MANEAL: variants seen among roughly 807,000 people sequenced by gnomAD.
MANEAL encodes the protein mannosidase endo-alpha like.
MANEAL carries 28 observed loss-of-function variants against 35.9 expected under a neutral mutation model. That is an observed-to-expected ratio of 0.78 (90% confidence interval 0.58 to 1.07). The LOEUF is 1.07. MANEAL is among the 50% of genes least tolerant of loss of function. MANEAL has a pLI of 0.00. For synonymous variants in MANEAL, 286 were observed against 272.2 expected (o/e 1.05, Z -0.50); for missense variants, 576 against 629.6 (o/e 0.91, Z 0.91).
chr1:37,798,999 A>G, intron 3 of MANEAL, among the ~76,000 whole-genome samples: 1 of 152,104 alleles, frequency 6.6e-6, no homozygotes, highest in South Asian at 2.1e-4. Context: ...GAGATCGCCC[A>G]CCGCACTCCA....
rs1248669760 is a variant in MANEAL at position 37,794,761 on chromosome 1, G to GC, written c.550+35dup. ...AGCGCCCCCCACCCCGGGCGGCCCT[G>GC]CCCCCCAGCCTCACCCTTCCTCCTT... On this transcript the variant is annotated intron_variant, in intron 1 of 3. Transcript: ENST00000373045. This position sits in a 1 kb window ranked among gnomAD's most constrained non-coding sequence, Gnocchi z 5.7. 9 of 1,436,302 alleles carry GC rather than the reference G, an allele frequency of 6.3e-6. No homozygotes were observed. The highest frequency in any genetic ancestry group is 1.3e-5 in the South Asian group (1 of 78,922). The allele number at this position is 1,436,302 out of a possible 1,614,324, so 89.0% of individuals were successfully genotyped here.
intron 2 of MANEAL, 48 bp downstream of exon 2, chr1:37,795,894 G>C (rs774236029): frequency 6.5e-7 from 1 of 1,539,808 alleles, no homozygotes; most frequent in Non-Finnish European, 9.0e-7. Flanking sequence ...ATTCTGGAGA[G>C]TTGCTCTCCT....
At chr1:37,795,221 G>A (rs1646635135) in intron 1 of MANEAL, among the ~76,000 whole-genome samples, 1 of 152,188 alleles carries the variant, frequency 6.6e-6, no homozygotes, top group Admixed American at 6.5e-5. Flanking sequence ...TGGAGGTAGT[G>A]TTGGGGGTTT....
Position 37,794,634 on chromosome 1 carries a change from A to T in MANEAL, c.452A>T (p.Asp151Val), listed in dbSNP as rs1215818442. The T allele has an allele frequency of 1.2e-6, 2 of 1,610,374 alleles. No individual in the cohort carries two copies. Among genetic ancestry groups the T allele is most frequent in the Admixed American group, 1.7e-5 (1 of 59,880 alleles). The change falls in exon 1 of 4, where the codon GAC becomes GTC. Residue 151 changes from aspartate (D) to valine (V), a missense_variant. This residue lies in a region of MANEAL where 449 missense variants were observed against 516.1 expected (regional missense o/e 0.87). Coordinates refer to ENST00000373045, the MANE Select transcript of MANEAL (RefSeq NM_001113482.2). The surrounding 1 kb of genome is among the most constrained non-coding windows in gnomAD (Gnocchi z 5.7). ...CGCGGCCGCCACAGCCCCCCAGACG[A>T]CTTGGGCTCCAGCTTCTACCCGGAG... ...YPRGRHSPPD[D>V]LGSSFYPELG...
chr1:37,794,681 G>T lies in MANEAL; in HGVS notation c.499G>T (p.Asp167Tyr). The T allele has an allele frequency of 6.2e-7, 1 of 1,608,010 alleles. No homozygotes were observed. Among genetic ancestry groups the T allele is most frequent in the East Asian group, 2.2e-5 (1 of 44,758 alleles). The stretch of plus-strand genomic sequence containing the variant: ...GGAGCTGGGGCCCTACAGCTCCCGG[G>T]ACCCCGAAGTGCTGCGGGAGCATAT... Reference protein sequence around the residue: ...YPELGPYSSRDPEVLREHMTQ... With the variant: ...YPELGPYSSRYPEVLREHMTQ... The change falls in exon 1 of 4, where the codon GAC becomes TAC. Residue 167 changes from aspartate to tyrosine, a missense_variant. By Grantham distance (160) the Asp-to-Tyr change is radical. Transcript: ENST00000373045. The surrounding 1 kb of genome is among the most constrained non-coding windows in gnomAD (Gnocchi z 5.7).
rs986037676 is a variant in MANEAL at position 37,800,770 on chromosome 1, A to G, written c.*567A>G. ...GCACTCACAGGTTCATTTAACACTC[A>G]CTCATCAAGCACCTTCCTATGTGCT... On this transcript the variant is annotated 3_prime_UTR_variant, in exon 4 of 4. Coordinates refer to ENST00000373045, the MANE Select transcript of MANEAL (RefSeq NM_001113482.2). The G allele has an allele frequency of 2.6e-5, 4 of 156,142 alleles. No homozygotes were observed. The South Asian group carries it at 5.9e-4, about 23-fold the overall frequency. 9.7% of individuals were successfully genotyped at this position (156,142 alleles called of 1,614,324 possible).
Position 37,800,409 on chromosome 1 carries a change from T to C in MANEAL, c.*206T>C. On this transcript the variant is annotated 3_prime_UTR_variant, in exon 4 of 4. Coordinates refer to ENST00000373045, the MANE Select transcript of MANEAL (RefSeq NM_001113482.2). ...GTGGTGCTGAGGTGCTCTGTGGTGA[T>C]GGGAACGGCAGAGGCTGGCAGGTGA... The C allele has an allele frequency of 1.6e-6, 1 of 627,816 alleles. No individual in the cohort carries two copies. The highest frequency in any genetic ancestry group is 2.7e-6 in the Non-Finnish European group (1 of 364,786). 38.9% of individuals were successfully genotyped at this position (627,816 alleles called of 1,614,324 possible).
Position 37,794,446 on chromosome 1 carries a change from C to G in MANEAL, c.264C>G (p.Pro88=). The G allele has an allele frequency of 6.5e-7, 1 of 1,530,178 alleles. No homozygotes were observed. The highest frequency in any genetic ancestry group is 8.8e-7 in the Non-Finnish European group (1 of 1,136,330). The allele number at this position is 1,530,178 out of a possible 1,614,324, so 94.8% of individuals were successfully genotyped here. ...CTGGCGGCTCCCCTGGGCCGGCACC[C>G]GCGGAGGCCGAGCCCGCCCCCGTGC... The part of the protein sequence containing the change: ...ADPGGSPGPA[P]AEAEPAPVQS... Residue 88 remains proline, a synonymous_variant, in exon 1 of 4, where the codon CCC becomes CCG. Transcript: ENST00000373045. This position sits in a 1 kb window ranked among gnomAD's most constrained non-coding sequence, Gnocchi z 5.7.
In MANEAL at chr1:37,796,826, G is replaced by C. The variant is rs570878772; in HGVS notation, c.737+6G>C. The C allele has an allele frequency of 3.1e-5, 50 of 1,607,536 alleles. No homozygotes were observed. In the African/African-American group the frequency reaches 6.0e-4, roughly 19 times the overall value. On this transcript the variant is annotated splice_donor_region_variant and intron_variant, in intron 3 of 3. Transcript: ENST00000373045. ...ATCAAGTACATCATTGACACGTAAG[G>C]CTGCTCTGGGGGCCGGGATTTTGGT... is the stretch of plus-strand genomic sequence containing the variant.
Position 37,800,092 on chromosome 1 carries a change from ACC to A in MANEAL, c.1265_1266del (p.Pro422HisfsTer40). ...QIEKAIPKKT[P>X]TRLYLDYLPH... ...TTGAGAAGGCCATTCCCAAGAAGAC[ACC>A]CACCCGCCTGTATTTGGACTACCTG... On this transcript the variant is annotated frameshift_variant, in exon 4 of 4. Coordinates refer to ENST00000373045, the MANE Select transcript of MANEAL (RefSeq NM_001113482.2). LOFTEE classifies it high-confidence loss of function. 1 of 1,604,482 alleles carries A rather than the reference ACC, an allele frequency of 6.2e-7. No individual in the cohort carries two copies. Among genetic ancestry groups the A allele is most frequent in the Non-Finnish European group, 8.5e-7 (1 of 1,176,710 alleles).
chr1:37,799,817 G>A lies in MANEAL; in HGVS notation c.988G>A (p.Gly330Ser). The change falls in exon 4 of 4, where the codon GGT becomes AGT. Residue 330 changes from glycine to serine, a missense_variant. Gly to Ser is a moderately conservative substitution (Grantham distance 56). Transcript: ENST00000373045. The surrounding 1 kb of genome is among the most constrained non-coding windows in gnomAD (Gnocchi z 4.1). ...DGMYTYFASN[G>S]FSFGSSHQNW... The stretch of plus-strand genomic sequence containing the variant: ...CATGTACACCTACTTTGCCTCCAAT[G>A]GTTTCTCCTTTGGTTCTTCCCATCA... 6.2e-7 allele frequency: 1 copy of A among 1,614,220 alleles called. No homozygotes were observed.
rs544232430 is a variant in MANEAL at position 37,795,839 on chromosome 1, G to C, written c.653G>C (p.Ser218Thr). The stretch of plus-strand genomic sequence containing the variant: ...ATTCTGGACACCGCCCATCAGTACA[G>C]CATCCAGGTGAGTCTCCAAGAAGAG... Reference protein sequence around the residue: ...PAILDTAHQYSIQVAFHIQPY... With the variant: ...PAILDTAHQYTIQVAFHIQPY... The change falls in exon 2 of 4, where the codon AGC becomes ACC. Residue 218 changes from serine to threonine, a missense_variant. Physicochemically the swap from Ser to Thr is moderately conservative, Grantham distance 58 (BLOSUM62 1). This residue lies in a region of MANEAL where 449 missense variants were observed against 516.1 expected (regional missense o/e 0.87). Coordinates refer to ENST00000373045, the MANE Select transcript of MANEAL (RefSeq NM_001113482.2). 45 of 1,613,758 alleles carry C rather than the reference G, an allele frequency of 2.8e-5. No homozygotes were observed. In the Admixed American group the frequency reaches 4.5e-4, roughly 16 times the overall value.
At chr1:37,795,655 A>G (rs1244842850) in intron 1 of MANEAL, 82 bp from the exon 2 acceptor site, 2 of 1,592,666 alleles carry the variant, frequency 1.3e-6, no homozygotes, top group Non-Finnish European at 1.7e-6. Context: ...CATTTTTGCA[A>G]TTGGAGATGT....
At chr1:37,795,539 G>A in intron 1 of MANEAL, 198 bp from the exon 2 acceptor site, 1 of 1,397,856 alleles carries the variant, frequency 7.2e-7, no homozygotes, top group Non-Finnish European at 9.3e-7. Context: ...TCCCGCAGGC[G>A]CTCCGCTTCA....
Position 37,794,530 on chromosome 1 carries a change from G to A in MANEAL, c.348G>A (p.Pro116=), listed in dbSNP as rs531855800. 8.1e-5 allele frequency: 130 copies of A among 1,611,482 alleles called. 1 individual carries two copies. The East Asian group carries it at 2.8e-3, about 35-fold the overall frequency. ...HAFYYSWYGS[P]RREGHYIHWD... is the part of the protein sequence containing the mutation. ...TCTACTACTCGTGGTACGGGAGCCC[G>A]CGGCGCGAGGGCCACTACATTCACT... The change falls in exon 1 of 4, where the codon CCG becomes CCA. Residue 116 remains proline, a synonymous_variant. Transcript: ENST00000373045. This position sits in a 1 kb window ranked among gnomAD's most constrained non-coding sequence, Gnocchi z 5.7.
In MANEAL at chr1:37,799,569, A is replaced by G. The variant is rs1277284272; in HGVS notation, c.740A>G (p.Tyr247Cys). 1.2e-6 allele frequency: 2 copies of G among 1,611,948 alleles called. No homozygotes were observed. The highest frequency in any genetic ancestry group is 2.2e-5 in the East Asian group (1 of 44,870). Residue 247 changes from tyrosine (Y) to cysteine (C), a missense_variant and splice_region_variant, in exon 4 of 4, where the codon TAT (tyrosine) becomes TGT (cysteine). Transcript: ENST00000373045. The surrounding 1 kb of genome is among the most constrained non-coding windows in gnomAD (Gnocchi z 4.1). The part of the protein sequence containing the change: ...HDNIKYIIDT[Y>C]GSHGAFYRYK... ...AGGCTCTTCTTTCTCCTTCTCAGGT[A>G]TGGCTCCCATGGTGCATTTTACCGC...
chr1:37,796,595 G>T lies in MANEAL; in HGVS notation c.661-149G>T. Reference sequence around the variant, plus strand: ...ACCCCTGTTTTGGCCTTCAAGGGCAGCAGCTGCCTTTATCTCTACTGTGCC... The same window carrying T: ...ACCCCTGTTTTGGCCTTCAAGGGCATCAGCTGCCTTTATCTCTACTGTGCC... On this transcript the variant is annotated intron_variant, in intron 2 of 3. Coordinates refer to ENST00000373045, the MANE Select transcript of MANEAL (RefSeq NM_001113482.2). The T allele has an allele frequency of 5.7e-6, 4 of 703,866 alleles. No individual in the cohort carries two copies. The South Asian group carries it at 5.8e-5, about 10-fold the overall frequency. 43.6% of individuals were successfully genotyped at this position (703,866 alleles called of 1,614,324 possible).
Position 37,794,773 on chromosome 1 carries a change from C to T in MANEAL, c.550+41C>T. On this transcript the variant is annotated intron_variant, in intron 1 of 3. Coordinates refer to ENST00000373045, the MANE Select transcript of MANEAL (RefSeq NM_001113482.2). This position sits in a 1 kb window ranked among gnomAD's most constrained non-coding sequence, Gnocchi z 5.7. Reference sequence around the variant, plus strand: ...CCCGGGCGGCCCTGCCCCCCAGCCTCACCCTTCCTCCTTCCCACACCCCAG... The same window carrying T: ...CCCGGGCGGCCCTGCCCCCCAGCCTTACCCTTCCTCCTTCCCACACCCCAG... 2 of 1,320,730 alleles carry T rather than the reference C, an allele frequency of 1.5e-6. No individual in the cohort carries two copies. The highest frequency in any genetic ancestry group is 4.6e-5 in the East Asian group (2 of 43,158). 81.8% of individuals were successfully genotyped at this position (1,320,730 alleles called of 1,614,324 possible).
At position 37,794,318 on chromosome 1, in the gene MANEAL, C is replaced by A; in HGVS notation, c.136C>A (p.Pro46Thr). The A allele has an allele frequency of 8.7e-7, 1 of 1,143,680 alleles. No homozygotes were observed. The highest frequency in any genetic ancestry group is 1.7e-5 in the African/African-American group (1 of 60,214). 70.8% of individuals were successfully genotyped at this position (1,143,680 alleles called of 1,614,324 possible). ...PALGPGLELA[P>T]FERRPEGAPA... ...GCTGGGCCCGGGCCTGGAGCTGGCG[C>A]CCTTTGAGCGACGCCCAGAGGGGGC... Residue 46 changes from proline (P) to threonine (T), a missense_variant, in exon 1 of 4, where the codon CCC becomes ACC. Physicochemically the swap from Pro to Thr is conservative, Grantham distance 38. Coordinates refer to ENST00000373045, the MANE Select transcript of MANEAL (RefSeq NM_001113482.2). The surrounding 1 kb of genome is among the most constrained non-coding windows in gnomAD (Gnocchi z 5.7).
Sources: allele counts gnomAD v4.1 joint callset (sites outside exome capture counted in the v4.1 genomes callset), GRCh38; gene constraint gnomAD v4.1.1; regional missense constraint gnomAD v4.1.1; non-coding constraint Gnocchi (gnomAD v3.1); transcripts MANE v1.5; gene names NCBI Gene and HGNC (gene_info 2026-07-23, HGNC 2026-07-21).